Variants in MFN2 observed in about 807,000 individuals in gnomAD.
MFN2 encodes the protein mitofusin-2.
MFN2 carries 43 observed loss-of-function variants against 87.5 expected under a neutral mutation model. The ratio of observed to expected loss-of-function variants is 0.49; its 90% confidence interval spans 0.38 to 0.63. MFN2 has a LOEUF of 0.63. Among genes scored for constraint, MFN2 ranks in the 30% least tolerant of loss-of-function variants. The pLI is 0.00. For missense variants in MFN2, 743 were observed against 972.8 expected (o/e 0.76, Z 3.14); for synonymous variants, 337 against 359.9 (o/e 0.94, Z 0.72).
At position 12,002,008 on chromosome 1, in the gene MFN2, G is replaced by T. The variant is rs1639196950; in HGVS notation, c.1065G>T (p.Lys355Asn). Residue 355 changes from lysine (K) to asparagine (N), a missense_variant, in exon 11 of 19, where the codon AAG becomes AAT. This residue lies in a region of MFN2 where 571 missense variants were observed against 670.7 expected (regional missense o/e 0.85). Coordinates refer to ENST00000235329, the MANE Select transcript of MFN2 (RefSeq NM_014874.4). ...FEECISQSAVKTKFEQHTVRA... is the reference protein window; with the variant it reads ...FEECISQSAVNTKFEQHTVRA... ...AGTGCATCTCCCAGTCTGCAGTGAA[G>T]ACCAAGTTTGAGCAGCACACGGTCC... The T allele has an allele frequency of 6.2e-7, 1 of 1,614,092 alleles. No homozygotes were observed. Among genetic ancestry groups the T allele is most frequent in the South Asian group, 1.1e-5 (1 of 91,072 alleles).
rs1639196705 is a variant in MFN2, at chr1:12,002,006, A to C, written c.1063A>C (p.Lys355Gln). The part of the protein sequence containing the change: ...FEECISQSAV[K>Q]TKFEQHTVRA... ...GGAGTGCATCTCCCAGTCTGCAGTGAAGACCAAGTTTGAGCAGCACACGGT... is the reference window on the plus strand; with the variant it reads ...GGAGTGCATCTCCCAGTCTGCAGTGCAGACCAAGTTTGAGCAGCACACGGT... Residue 355 changes from lysine to glutamine, a missense_variant, in exon 11 of 19, where the codon AAG becomes CAG. Lys to Gln is a moderately conservative substitution (Grantham distance 53). Around this residue, in one of 3 missense-constraint regions of MFN2, gnomAD observed 571 missense variants for 670.7 expected, o/e 0.85. Coordinates refer to ENST00000235329, the MANE Select transcript of MFN2 (RefSeq NM_014874.4). 1 of 1,614,076 alleles carries C rather than the reference A, an allele frequency of 6.2e-7. No individual in the cohort carries two copies. The highest frequency in any genetic ancestry group is 1.1e-5 in the South Asian group (1 of 91,088).
intron 8 of MFN2, among the ~76,000 whole-genome samples, chr1:12,001,099 C>G (rs534208586): frequency 2.0e-5 from 3 of 152,292 alleles, no homozygotes; most frequent in African/African-American, 7.2e-5. Context: ...GCAACCTCCG[C>G]CTCCAGGTTC....
intron 6 of MFN2, 133 bp from the exon 7 acceptor site, chr1:11,998,637 G>A: frequency 1.2e-6 from 1 of 811,806 alleles, no homozygotes; most frequent in Non-Finnish European, 2.2e-6. Flanking sequence ...ATGAGGGCCA[G>A]GCCTGATTTC....
intron 18 of MFN2, 148 bp downstream of exon 18, chr1:12,009,874 C>A: frequency 8.2e-7 from 1 of 1,214,962 alleles, no homozygotes; most frequent in Non-Finnish European, 1.2e-6. Context: ...GTACCATGGG[C>A]TGGGCACGGT....
intron 3 of MFN2, 28 bp downstream of exon 3, chr1:11,989,371 C>G: frequency 1.9e-6 from 3 of 1,611,470 alleles, no homozygotes; most frequent in Non-Finnish European, 2.5e-6. Context: ...CAGCCAGGCC[C>G]GCTCTTACCT....
At chr1:11,984,741 TA>T (rs1638319644) in intron 2 of MFN2, among the ~76,000 whole-genome samples, 1 of 152,148 alleles carries the variant, frequency 6.6e-6, no homozygotes, top group South Asian at 2.1e-4. Context: ...GAAGCTTCCA[TA>T]AAAATCCAAG....
At chr1:11,990,627 A>G (rs1172491200) in intron 3 of MFN2, among the ~76,000 whole-genome samples, 3 of 152,214 alleles carry the variant, frequency 2.0e-5, no homozygotes, top group Non-Finnish European at 4.4e-5. Flanking sequence ...TGTTGTTTAA[A>G]TGGAAGGGAA....
chr1:12,006,728 G>A (rs1355732574), intron 16 of MFN2, 35 bp downstream of exon 16: 45 of 1,613,334 alleles, frequency 2.8e-5, no homozygotes, highest in Non-Finnish European at 3.3e-5. Flanking sequence ...AGGTGGGGGC[G>A]GAGGGCAGGT....
chr1:11,990,787 A>T (rs1461785041), intron 3 of MFN2, among the ~76,000 whole-genome samples: 2 of 152,278 alleles, frequency 1.3e-5, no homozygotes, highest in East Asian at 3.9e-4. Context: ...GCTTCCTCCG[A>T]GGGACATTCC....
At chr1:11,995,315 C>G (rs1211353731) in intron 4 of MFN2, among the ~76,000 whole-genome samples, 1 of 151,932 alleles carries the variant, frequency 6.6e-6, no homozygotes. Context: ...CACCAGAATA[C>G]ATGAAAGGGG....
At position 12,002,101 on chromosome 1, in the gene MFN2, G is replaced by A. The variant is rs757029264; in HGVS notation, c.1158G>A (p.Gln386=). Reference sequence around the variant, plus strand: ...CCCTGCACATGGCGGCTCGGGAGCAGCAGTAAGAGTCCAAGACTGCAGATA... The same window carrying A: ...CCCTGCACATGGCGGCTCGGGAGCAACAGTAAGAGTCCAAGACTGCAGATA... ...MDSLHMAARE[Q]QVYCEEMREE... is the part of the protein sequence containing the mutation. The change falls in exon 11 of 19, where the codon CAG becomes CAA. Residue 386 remains glutamine (Q), a splice_region_variant and synonymous_variant. Transcript: ENST00000235329. 6.2e-7 allele frequency: 1 copy of A among 1,614,232 alleles called. No individual in the cohort carries two copies. Among genetic ancestry groups the A allele is most frequent in the East Asian group, 2.2e-5 (1 of 44,890 alleles).
intron 6 of MFN2, among the ~76,000 whole-genome samples, chr1:11,998,496 C>T (rs1409701506): frequency 5.3e-5 from 8 of 151,986 alleles, no homozygotes; most frequent in African/African-American, 7.3e-5. Flanking sequence ...TGCAGTGAGC[C>T]GAGATCGTGC....
rs370891816 is a variant in MFN2 at position 11,989,124 on chromosome 1, G to A, written c.-4-41G>A. 147 of 1,608,244 alleles carry A rather than the reference G, an allele frequency of 9.1e-5. No individual in the cohort carries two copies. The Middle Eastern group carries it at 1.3e-3, about 14-fold the overall frequency. ...CATCTCCCTAGCAGGATGTCCCGAG[G>A]TAGGTGTTGCTGGGTTCGCTCACGT... On this transcript the variant is annotated intron_variant, in intron 2 of 18. Coordinates refer to ENST00000235329, the MANE Select transcript of MFN2 (RefSeq NM_014874.4).
At chr1:11,996,483 G>A (rs1412140159) in intron 5 of MFN2, among the ~76,000 whole-genome samples, 165 bp downstream of exon 5, 1 of 152,176 alleles carries the variant, frequency 6.6e-6, no homozygotes, top group Non-Finnish European at 1.5e-5. Flanking sequence ...GAGCTTTTGG[G>A]GGCTGGCGGA....
At chr1:12,006,921 G>C in intron 16 of MFN2, 132 bp from the exon 17 acceptor site, 2 of 1,338,222 alleles carry the variant, frequency 1.5e-6, no homozygotes, top group Admixed American at 3.4e-5. Flanking sequence ...AGGAGACATT[G>C]AAAGAGGAAC....
chr1:11,991,950 A>AAAAG lies in MFN2; in HGVS notation c.176-603_176-602insAGAA, dbSNP rs1202436105. Among the ~76,000 whole-genome samples, 47 of 142,750 alleles carry AAAAG rather than the reference A, an allele frequency of 3.3e-4. 2 individuals are homozygous for AAAAG. Among genetic ancestry groups the AAAAG allele is most frequent in the African/African-American group, 1.2e-3 (44 of 35,414 alleles). 93.6% of individuals were successfully genotyped at this position (142,750 alleles called of 152,430 possible). A position where few individuals can be genotyped will look rare whatever the true frequency, so the allele number is the denominator to read the frequency against. Reference sequence around the variant, plus strand: ...AAAAAAAAAAAAAAAAAAAAAAAAAAAAGAAGTGACATAGAGTGGTTAAGA... The same window carrying AAAAG: ...AAAAAAAAAAAAAAAAAAAAAAAAAAAAAGAAGAAGTGACATAGAGTGGTTAAGA... On this transcript the variant is annotated intron_variant, in intron 3 of 18. Transcript: ENST00000235329.
chr1:11,992,470 A>AGGGCC, intron 3 of MFN2, 85 bp from the exon 4 acceptor site: 2 of 1,565,554 alleles, frequency 1.3e-6, no homozygotes, highest in Admixed American at 3.3e-5. Context: ...TAGGGTAAGC[A>AGGGCC]GGGCCGGCGC....
chr1:12,000,744 T>G (rs180754174), intron 8 of MFN2, among the ~76,000 whole-genome samples: 136 of 152,292 alleles, frequency 8.9e-4, no homozygotes, highest in African/African-American at 3.2e-3. Context: ...AGGACACAGC[T>G]TGTCAGAGTA....
Position 12,005,217 on chromosome 1 carries a change from G to A in MFN2, c.1495+290G>A, listed in dbSNP as rs574306272. Among the ~76,000 whole-genome samples, 12 of 152,306 alleles carry A rather than the reference G, an allele frequency of 7.9e-5. No individual in the cohort carries two copies. In the South Asian group the frequency reaches 1.9e-3, roughly 24 times the overall value. ...CTGCTCCAGCGTCCCGAGTAGCTGC[G>A]ACTACAGGCGTGACCACCACACCTG... On this transcript the variant is annotated intron_variant, in intron 14 of 18. Transcript: ENST00000235329.
Sources: gnomAD v4.1 joint callset for allele counts (sites outside exome capture counted in the v4.1 genomes callset) on GRCh38, gnomAD v4.1.1 for gene constraint, gnomAD v4.1.1 regional missense constraint, MANE v1.5 for transcripts, NCBI Gene and HGNC (gene_info 2026-07-23, HGNC 2026-07-21) for gene names.